SUSD6: variants seen among roughly 807,000 people sequenced by gnomAD.
The protein encoded by SUSD6 is sushi domain containing 6, also known as sushi domain-containing protein 6.
SUSD6 carries 16 observed loss-of-function variants against 28.4 expected under a neutral mutation model. That is an observed-to-expected ratio of 0.56 (90% CI 0.38 to 0.86). The LOEUF (loss-of-function observed/expected upper bound fraction) is 0.86. Among genes scored for constraint, SUSD6 ranks in the 40% least tolerant of loss-of-function variants. The pLI is 0.00. For missense variants in SUSD6, 341 were observed against 384.2 expected (o/e 0.89, Z 0.94); for synonymous variants, 147 against 159.6 (o/e 0.92, Z 0.59).
At chr14:69,627,025 G>C (rs1176884761) in intron 1 of SUSD6, among the ~76,000 whole-genome samples, 2 of 152,066 alleles carry the variant, frequency 1.3e-5, no homozygotes, top group East Asian at 3.9e-4. Context: ...ACTCCCACTA[G>C]CTTGGCAACA....
Position 69,714,892 on chromosome 14 carries a change from G to C in SUSD6, c.*3913G>C, listed in dbSNP as rs1450362953. On this transcript the variant is annotated 3_prime_UTR_variant, in exon 6 of 6. Coordinates refer to ENST00000342745, the MANE Select transcript of SUSD6 (RefSeq NM_014734.4). Reference sequence around the variant, plus strand: ...CTTCTTCAGGTTATCGCACCACTATGGAATCCTTTGCAGAATGGTACTCAT... The same window carrying C: ...CTTCTTCAGGTTATCGCACCACTATCGAATCCTTTGCAGAATGGTACTCAT... 7 of 152,110 alleles carry C rather than the reference G, an allele frequency of 4.6e-5. No individual in the cohort carries two copies. Among genetic ancestry groups the C allele is most frequent in the African/African-American group, 1.7e-4 (7 of 41,398 alleles). 9.4% of individuals were successfully genotyped at this position (152,110 alleles called of 1,614,324 possible).
Position 69,670,576 on chromosome 14 carries a change from A to G in SUSD6, c.121+11863A>G, listed in dbSNP as rs74060266. 4.4e-3 allele frequency: 1,963 copies of G among 450,230 alleles called. 32 individuals carry two copies. Among genetic ancestry groups the G allele is most frequent in the African/African-American group, 0.035 (1,756 of 50,122 alleles). 27.9% of individuals were successfully genotyped at this position (450,230 alleles called of 1,614,324 possible). ...GGTGAAGAAGGCAGTGCCTTGGGCC[A>G]GACACGCTGGTTTGAATCCTAGTTC... On this transcript the variant is annotated intron_variant, in intron 2 of 5. Transcript: ENST00000342745.
intron 4 of SUSD6, among the ~76,000 whole-genome samples, chr14:69,707,111 A>G (rs140969277): frequency 1.5e-3 from 229 of 152,326 alleles, no homozygotes; most frequent in African/African-American, 5.4e-3. Flanking sequence ...GCAATACATG[A>G]TACTTAATTG....
chr14:69,677,844 A>G (rs1375913587), intron 2 of SUSD6, among the ~76,000 whole-genome samples: 1 of 152,258 alleles, frequency 6.6e-6, no homozygotes, highest in East Asian at 1.9e-4. Context: ...GGTTGGAGGC[A>G]TTGTAAAAAT....
chr14:69,651,154 C>G (rs910809737), intron 1 of SUSD6, among the ~76,000 whole-genome samples: 1 of 152,296 alleles, frequency 6.6e-6, no homozygotes, highest in South Asian at 2.1e-4. Flanking sequence ...GAGGCCAAAC[C>G]GCTTTTCAGT....
intron 1 of SUSD6, among the ~76,000 whole-genome samples, chr14:69,651,281 G>A (rs766306147): frequency 1.3e-5 from 2 of 152,198 alleles, no homozygotes; most frequent in African/African-American, 2.4e-5. Context: ...TAGTGTGTCT[G>A]CTGGCTTTCC....
At chr14:69,677,865 A>G (rs975955137) in intron 2 of SUSD6, among the ~76,000 whole-genome samples, 8 of 152,248 alleles carry the variant, frequency 5.3e-5, no homozygotes, top group African/African-American at 1.9e-4. Context: ...ACTATAGGCG[A>G]AAAGAATTAA....
chr14:69,614,730 C>T (rs1289655511), intron 1 of SUSD6, among the ~76,000 whole-genome samples: 1 of 152,154 alleles, frequency 6.6e-6, no homozygotes, highest in African/African-American at 2.4e-5. Context: ...GAGGTACATA[C>T]TCTTCCTCAT....
In SUSD6 at chr14:69,714,727, G is replaced by A. The variant is rs1886522032; in HGVS notation, c.*3748G>A. ...TTCCAGTTGAAACCCTAGTAGAATT[G>A]TGAATGAAAACCTCAAGGTTGAGCC... On this transcript the variant is annotated 3_prime_UTR_variant, in exon 6 of 6. Transcript: ENST00000342745. 1 of 152,230 alleles carries A rather than the reference G, an allele frequency of 6.6e-6. No individual in the cohort carries two copies. Among genetic ancestry groups the A allele is most frequent in the African/African-American group, 2.4e-5 (1 of 41,450 alleles). 9.4% of individuals were successfully genotyped at this position (152,230 alleles called of 1,614,324 possible). A position where few individuals can be genotyped will look rare whatever the true frequency, so the allele number is the denominator to read the frequency against.
Position 69,703,509 on chromosome 14 carries a change from T to C in SUSD6, c.236T>C (p.Met79Thr), listed in dbSNP as rs773887455. ...VIEYLCAEGY[M>T]LKGDYKYLTC... ...GAATACCTGTGTGCTGAAGGCTACATGTTGAAGGGCGATTACAAATACCTG... is the reference window on the plus strand; with the variant it reads ...GAATACCTGTGTGCTGAAGGCTACACGTTGAAGGGCGATTACAAATACCTG... Residue 79 changes from methionine (M) to threonine (T), a missense_variant, in exon 3 of 6, where the codon ATG becomes ACG. By Grantham distance (81) the Met-to-Thr change is moderately conservative. Transcript: ENST00000342745. 3.7e-6 allele frequency: 6 copies of C among 1,614,148 alleles called. No individual in the cohort carries two copies. The Admixed American group carries it at 1.0e-4, about 27-fold the overall frequency.
chr14:69,660,402 G>T (rs1336490224), intron 2 of SUSD6, among the ~76,000 whole-genome samples: 5 of 152,260 alleles, frequency 3.3e-5, no homozygotes, highest in Admixed American at 2.6e-4. Flanking sequence ...TAGGCATGAG[G>T]AGCCCCTGGC....
At chr14:69,616,434 G>A (rs568376028) in intron 1 of SUSD6, among the ~76,000 whole-genome samples, 1 of 152,330 alleles carries the variant, frequency 6.6e-6, no homozygotes, top group South Asian at 2.1e-4. Context: ...TTCAGCTTCT[G>A]ACAAAGACAG....
chr14:69,630,560 C>T (rs971232405), intron 1 of SUSD6, among the ~76,000 whole-genome samples: 7 of 151,966 alleles, frequency 4.6e-5, no homozygotes, highest in African/African-American at 1.5e-4. Flanking sequence ...CATGTAATGA[C>T]GTCTGACTAA....
chr14:69,619,570 C>A (rs1885005960), intron 1 of SUSD6, among the ~76,000 whole-genome samples: 1 of 145,986 alleles, frequency 6.8e-6, no homozygotes, highest in Non-Finnish European at 1.5e-5. Context: ...CTAGCCTGGG[C>A]AGCATAGTGA....
rs559601316 is a variant in SUSD6, at chr14:69,712,959, C to T, written c.*1980C>T. 2 of 152,424 alleles carry T rather than the reference C, an allele frequency of 1.3e-5. No individual in the cohort carries two copies. The highest frequency in any genetic ancestry group is 1.9e-4 in the East Asian group (1 of 5,170). 9.4% of individuals were successfully genotyped at this position (152,424 alleles called of 1,614,324 possible). On this transcript the variant is annotated 3_prime_UTR_variant, in exon 6 of 6. Transcript: ENST00000342745. ...GAGGGCTGTCCCTAATGGCCCCAGT[C>T]GCCTTACCTCACCCACAGCAGTGCC...
intron 2 of SUSD6, among the ~76,000 whole-genome samples, chr14:69,665,731 T>TC (rs1885730527): frequency 6.6e-6 from 1 of 152,226 alleles, no homozygotes; most frequent in South Asian, 2.1e-4. Context: ...CCATTATGCT[T>TC]CAACTCTTCA....
intron 2 of SUSD6, among the ~76,000 whole-genome samples, chr14:69,686,203 G>A (rs1303991126): frequency 1.3e-5 from 2 of 152,176 alleles, no homozygotes; most frequent in African/African-American, 4.8e-5. Context: ...CTGCTCAGTT[G>A]TGAAGAGAAA....
intron 1 of SUSD6, among the ~76,000 whole-genome samples, chr14:69,643,100 T>C (rs1037372100): frequency 2.6e-5 from 4 of 152,130 alleles, no homozygotes; most frequent in Admixed American, 6.5e-5. Flanking sequence ...CTGCGTTTTT[T>C]CCCCCATTTC....
At position 69,684,952 on chromosome 14, in the gene SUSD6, C is replaced by T. The variant is rs61980758; in HGVS notation, c.122-18443C>T. On this transcript the variant is annotated intron_variant, in intron 2 of 5. Transcript: ENST00000342745. ...CTGTTTCAAACTGCTGGTATATAAA[C>T]TGCTCATACCACTCTGAGTTATCAC... Among the ~76,000 whole-genome samples, 866 of 152,176 alleles carry T rather than the reference C, an allele frequency of 5.7e-3. 7 individuals are homozygous for T. Among genetic ancestry groups the T allele is most frequent in the Non-Finnish European group, 8.1e-3 (550 of 68,034 alleles).
Sources: allele counts gnomAD v4.1 joint callset (sites outside exome capture counted in the v4.1 genomes callset), GRCh38; gene constraint gnomAD v4.1.1; transcripts MANE v1.5; gene names NCBI Gene and HGNC (gene_info 2026-07-23, HGNC 2026-07-21).